The following FLT1 variants were observed in gnomAD, a reference collection of about 807,000 sequenced individuals.
The protein encoded by FLT1 is vascular endothelial growth factor receptor 1.
In FLT1, 49 loss-of-function variants were observed where a neutral mutation model predicts 156.3. That is an observed-to-expected ratio of 0.31 (90% confidence interval 0.25 to 0.40). The LOEUF (loss-of-function observed/expected upper bound fraction) is 0.40. FLT1 is among the 10% of genes least tolerant of loss of function. FLT1 has a pLI of 1.00. For missense variants in FLT1, 1,322 were observed against 1,637.2 expected, an observed-to-expected ratio of 0.81 and a Z score of 3.32; for synonymous variants, 594 against 583.8, an observed-to-expected ratio of 1.02 and a Z score of -0.25.
intron 1 of FLT1, among the ~76,000 whole-genome samples, chr13:28,491,843 G>A (rs1201071088): frequency 2.0e-5 from 3 of 152,144 alleles, no homozygotes; most frequent in East Asian, 1.9e-4. Flanking sequence ...TTTTACATAC[G>A]AAAACAAAGT....
intron 10 of FLT1, among the ~76,000 whole-genome samples, chr13:28,424,762 T>A (rs1335591328): frequency 2.0e-5 from 3 of 152,180 alleles, no homozygotes; most frequent in Non-Finnish European, 4.4e-5. Flanking sequence ...TGTGCATATA[T>A]TAGTCACCCA....
At chr13:28,440,726 C>A (rs1250075099) in intron 3 of FLT1, among the ~76,000 whole-genome samples, 2 of 152,188 alleles carry the variant, frequency 1.3e-5, no homozygotes, top group South Asian at 2.1e-4. Flanking sequence ...AATCATTATA[C>A]CCTCTGTGCC....
chr13:28,404,049 A>C (rs1254707356), intron 11 of FLT1, among the ~76,000 whole-genome samples: 7 of 149,934 alleles, frequency 4.7e-5, no homozygotes, highest in Admixed American at 2.6e-4. Flanking sequence ...GTCTCAAAAA[A>C]AAAAAAAAGA....
intron 8 of FLT1, 91 bp from the exon 9 acceptor site, chr13:28,428,012 T>G: frequency 1.8e-6 from 2 of 1,129,642 alleles, no homozygotes; most frequent in Non-Finnish European, 2.7e-6. Flanking sequence ...GAGCTCAAGT[T>G]GACCAATTTC....
At chr13:28,363,539 A>C (rs1273499531) in intron 14 of FLT1, among the ~76,000 whole-genome samples, 2 of 152,208 alleles carry the variant, frequency 1.3e-5, no homozygotes, top group Non-Finnish European at 2.9e-5. Flanking sequence ...GTGTGCTTAA[A>C]AATTCTAAAT....
At chr13:28,405,726 C>A in intron 11 of FLT1, 54 bp downstream of exon 11, 1 of 986,222 alleles carries the variant, frequency 1.0e-6, no homozygotes. Flanking sequence ...GAATTGGGAG[C>A]TGAGAGTGTA....
intron 25 of FLT1, among the ~76,000 whole-genome samples, chr13:28,316,811 C>G: frequency 6.6e-6 from 1 of 151,870 alleles, no homozygotes; most frequent in Non-Finnish European, 1.5e-5. Context: ...TTAGTAGAGA[C>G]GGGGTTTCAC....
In FLT1 at chr13:28,301,160, T is replaced by C. The variant is rs1467170729; in HGVS notation, c.*2007A>G. ...TTTGTTATCACTATTTGCTGGGCTA[T>C]TATCTGATTTGGAAAAAAAAAAAAA... On this transcript the variant is annotated 3_prime_UTR_variant, in exon 30 of 30. Coordinates refer to ENST00000282397, the MANE Select transcript of FLT1 (RefSeq NM_002019.4). The C allele has an allele frequency of 4.4e-6, 1 of 227,782 alleles. No individual in the cohort carries two copies. The highest frequency in any genetic ancestry group is 2.4e-5 in the African/African-American group (1 of 41,984). The allele number at this position is 227,782 out of a possible 1,614,324, so 14.1% of individuals were successfully genotyped here. A position where few individuals can be genotyped will look rare whatever the true frequency, so the allele number is the denominator to read the frequency against.
At chr13:28,487,594 A>G (rs1046892920) in intron 1 of FLT1, among the ~76,000 whole-genome samples, 4 of 152,232 alleles carry the variant, frequency 2.6e-5, no homozygotes, top group African/African-American at 7.2e-5. Flanking sequence ...AAGACTGGCA[A>G]TGATGACAAG....
chr13:28,387,762 C>T (rs563094230), intron 13 of FLT1: 19 of 1,044,824 alleles, frequency 1.8e-5, no homozygotes, highest in Non-Finnish European at 2.2e-5. Flanking sequence ...GGGTAACATA[C>T]CCCTAGGGTA....
rs1456255789 is a variant in FLT1, at chr13:28,494,768, G to A, written c.64+12C>T. The A allele has an allele frequency of 2.6e-6, 4 of 1,550,612 alleles. No homozygotes were observed. The highest frequency in any genetic ancestry group is 1.9e-5 in the Admixed American group (1 of 53,374). On this transcript the variant is annotated intron_variant, in intron 1 of 29. Coordinates refer to ENST00000282397, the MANE Select transcript of FLT1 (RefSeq NM_002019.4). ...AGCCCGCCTCAGGCCCCGGCCCCCA[G>A]CCGCGCCTCACCTGTGAGAAGCAGA...
intron 24 of FLT1, among the ~76,000 whole-genome samples, chr13:28,318,380 C>T (rs1231431529): frequency 6.6e-6 from 1 of 152,114 alleles, no homozygotes; most frequent in Non-Finnish European, 1.5e-5. Flanking sequence ...GCTTTGCCTT[C>T]TGCCAGCTTT....
In FLT1 at chr13:28,431,179, A is replaced by C; in HGVS notation, c.945T>G (p.Ser315Arg). Residue 315 changes from serine to arginine, a missense_variant, in exon 7 of 30, where the codon AGT becomes AGG. Ser to Arg is a moderately radical substitution (Grantham distance 110). Around this residue, in one of 3 missense-constraint regions of FLT1, gnomAD observed 991 missense variants for 1,254.8 expected, o/e 0.79. Transcript: ENST00000282397. ...TGTTAACAGATTTGAATGATGGTCC[A>C]CTCCTTACACGACAAGTATAAAGTC... ...DKGLYTCRVR[S>R]GPSFKSVNTS... 1 of 1,613,742 alleles carries C rather than the reference A, an allele frequency of 6.2e-7. No homozygotes were observed. The highest frequency in any genetic ancestry group is 8.5e-7 in the Non-Finnish European group (1 of 1,179,752).
chr13:28,487,220 C>T (rs1463918321), intron 1 of FLT1, among the ~76,000 whole-genome samples: 1 of 152,236 alleles, frequency 6.6e-6, no homozygotes, highest in Non-Finnish European at 1.5e-5. Context: ...CCAGATTATT[C>T]TAATGTAGAG....
At chr13:28,333,877 G>T (rs1872018423) in intron 18 of FLT1, 148 bp downstream of exon 18, 2 of 722,722 alleles carry the variant, frequency 2.8e-6, no homozygotes, top group Admixed American at 1.9e-5. Flanking sequence ...AAACTCGTGA[G>T]CAAAGAGGCC....
intron 14 of FLT1, among the ~76,000 whole-genome samples, chr13:28,362,669 AAAC>A (rs1317934895): frequency 2.0e-5 from 3 of 152,278 alleles, no homozygotes; most frequent in Admixed American, 6.5e-5. Context: ...AACTTGGAAA[AAAC>A]AACAACAACA....
At chr13:28,359,383 A>G (rs7339170) in intron 14 of FLT1, among the ~76,000 whole-genome samples, 84,179 of 151,980 alleles carry the variant, frequency 0.55, 24,715 homozygotes, top group Middle Eastern at 0.66. Flanking sequence ...ATAAAAATGA[A>G]CTCAATATGG....
Position 28,439,200 on chromosome 13 carries a change from C to A in FLT1, c.389-855G>T, listed in dbSNP as rs1412608651. On this transcript the variant is annotated intron_variant, in intron 3 of 29. Coordinates refer to ENST00000282397, the MANE Select transcript of FLT1 (RefSeq NM_002019.4). The surrounding 1 kb of genome is among the most constrained non-coding windows in gnomAD (Gnocchi z 4.1). ...CCTTTTAGAAACATTCTCAGTCTAC[C>A]CTGCCCTTGCCCTCGGGAATCTATT... Among the ~76,000 whole-genome samples the A allele has an allele frequency of 6.6e-6, 1 of 152,166 alleles. No individual in the cohort carries two copies. Among genetic ancestry groups the A allele is most frequent in the East Asian group, 1.9e-4 (1 of 5,192 alleles).
intron 14 of FLT1, among the ~76,000 whole-genome samples, chr13:28,383,811 G>A (rs1874192801): frequency 6.6e-6 from 1 of 152,154 alleles, no homozygotes; most frequent in South Asian, 2.1e-4. Context: ...CCAGCCTGGT[G>A]ACAGAGTGAG....
Sources: allele counts gnomAD v4.1 joint callset (sites outside exome capture counted in the v4.1 genomes callset), GRCh38; gene constraint gnomAD v4.1.1; regional missense constraint gnomAD v4.1.1; non-coding constraint Gnocchi (gnomAD v3.1); transcripts MANE v1.5; gene names NCBI Gene and HGNC (gene_info 2026-07-23, HGNC 2026-07-21).